Variants in DUSP1 observed in about 807,000 individuals in gnomAD.
DUSP1 encodes dual specificity phosphatase 1.
Under a neutral mutation model 27.4 loss-of-function variants are expected in DUSP1, and 10 were observed. The ratio of observed to expected loss-of-function variants is 0.37; its 90% CI spans 0.23 to 0.62. The LOEUF (loss-of-function observed/expected upper bound fraction) is 0.62, where lower values mean the gene tolerates loss of function less well. Ranked by LOEUF, DUSP1 falls within the 20% of genes least tolerant of loss-of-function variation. DUSP1 has a pLI of 0.68. For synonymous variants in DUSP1, 262 were observed against 223.6 expected (o/e 1.17, Z -1.53); for missense variants, 425 against 508.1 (o/e 0.84, Z 1.57).
chr5:172,770,997 TTGTC>T lies in DUSP1; in HGVS notation c.-49_-46del, dbSNP rs775988883. ...AGCGTGATCGGCCCTGCGGTGCTCT[TTGTC>T]TGTTCTCGGGGCCAAGGGCAGGGCG... On this transcript the variant is annotated 5_prime_UTR_variant, in exon 1 of 4. Coordinates refer to ENST00000239223, the MANE Select transcript of DUSP1 (RefSeq NM_004417.4). The T allele has an allele frequency of 6.6e-6, 9 of 1,353,752 alleles. No homozygotes were observed. The highest frequency in any genetic ancestry group is 2.9e-5 in the East Asian group (1 of 34,366). 83.9% of individuals were successfully genotyped at this position (1,353,752 alleles called of 1,614,324 possible).
rs778841658 is a variant in DUSP1 at position 172,769,792 on chromosome 5, A to T, written c.516T>A (p.Gly172=). 22 of 1,613,334 alleles carry T rather than the reference A, an allele frequency of 1.4e-5. No homozygotes were observed. The highest frequency in any genetic ancestry group is 1.8e-5 in the Non-Finnish European group (21 of 1,179,808). The change falls in exon 3 of 4, where the codon GGT becomes GGA. Residue 172 remains glycine, a splice_region_variant and synonymous_variant. Coordinates refer to ENST00000239223, the MANE Select transcript of DUSP1 (RefSeq NM_004417.4). ...SSCSTPLYDQ[G]GPVEILPFLY... Reference sequence around the variant, plus strand: ...GAAAGGGCAGGATTTCCACCGGGCCACCCTGAAATCCAGAAATATCCAACA... The same window carrying T: ...GAAAGGGCAGGATTTCCACCGGGCCTCCCTGAAATCCAGAAATATCCAACA...
chr5:172,770,784 T>G lies in DUSP1; in HGVS notation c.169A>C (p.Lys57Gln), dbSNP rs1759879513. Residue 57 changes from lysine to glutamine, a missense_variant, in exon 1 of 4, where the codon AAG becomes CAG. By Grantham distance (53) the Lys-to-Gln change is moderately conservative. Transcript: ENST00000239223. ...RFSTIVRRRAKGAMGLEHIVP... is the reference protein window; with the variant it reads ...RFSTIVRRRAQGAMGLEHIVP... Reference sequence around the variant, plus strand: ...ATGTGCTCCAGGCCCATGGCGCCCTTGGCCCGGCGCCGCACGATGGTGCTG... The same window carrying G: ...ATGTGCTCCAGGCCCATGGCGCCCTGGGCCCGGCGCCGCACGATGGTGCTG... 2 of 1,502,634 alleles carry G rather than the reference T, an allele frequency of 1.3e-6. No homozygotes were observed. Among genetic ancestry groups the G allele is most frequent in the Non-Finnish European group, 1.8e-6 (2 of 1,131,416 alleles). 93.1% of individuals were successfully genotyped at this position (1,502,634 alleles called of 1,614,324 possible). A position where few individuals can be genotyped will look rare whatever the true frequency, so the allele number is the denominator to read the frequency against.
At position 172,768,478 on chromosome 5, in the gene DUSP1, C is replaced by T. The variant is rs549982499; in HGVS notation, c.*284G>A. On this transcript the variant is annotated 3_prime_UTR_variant, in exon 4 of 4. Transcript: ENST00000239223. ...GAAGAGATTCTACAAAAAACAGGGG[C>T]GAGCAAAAAGAAACCGGATCACACA... 11 of 310,382 alleles carry T rather than the reference C, an allele frequency of 3.5e-5. No individual in the cohort carries two copies. The highest frequency in any genetic ancestry group is 5.8e-5 in the Non-Finnish European group (10 of 170,970). 19.2% of individuals were successfully genotyped at this position (310,382 alleles called of 1,614,324 possible). A position where few individuals can be genotyped will look rare whatever the true frequency, so the allele number is the denominator to read the frequency against.
At position 172,770,965 on chromosome 5, in the gene DUSP1, C is replaced by A. The variant is rs1759885387; in HGVS notation, c.-13G>T. 6.8e-7 allele frequency: 1 copy of A among 1,464,128 alleles called. No homozygotes were observed. Among genetic ancestry groups the A allele is most frequent in the Non-Finnish European group, 9.0e-7 (1 of 1,111,078 alleles). 90.7% of individuals were successfully genotyped at this position (1,464,128 alleles called of 1,614,324 possible). A position where few individuals can be genotyped will look rare whatever the true frequency, so the allele number is the denominator to read the frequency against. ...CTTCCATGACCATGGCCGGCCTCAG[C>A]GCCCCCAGCGTGATCGGCCCTGCGG... On this transcript the variant is annotated 5_prime_UTR_variant, in exon 1 of 4. Transcript: ENST00000239223.
rs753962065 is a variant in DUSP1 at position 172,769,546 on chromosome 5, G to A, written c.733+29C>T. 25 of 1,611,922 alleles carry A rather than the reference G, an allele frequency of 1.6e-5. No homozygotes were observed. The South Asian group carries it at 2.4e-4, about 16-fold the overall frequency. The stretch of plus-strand genomic sequence containing the variant: ...TGGCTAAAATGAGAAGAGAAAGGCA[G>A]AAAAGCCCCAGGCATCCATTCCATT... On this transcript the variant is annotated intron_variant, in intron 3 of 3. Coordinates refer to ENST00000239223, the MANE Select transcript of DUSP1 (RefSeq NM_004417.4).
In DUSP1 at chr5:172,768,792, C is replaced by G; in HGVS notation, c.1074G>C (p.Gln358His). 1.3e-6 allele frequency: 2 copies of G among 1,531,028 alleles called. No individual in the cohort carries two copies. The highest frequency in any genetic ancestry group is 1.8e-6 in the Non-Finnish European group (2 of 1,137,324). The allele number at this position is 1,531,028 out of a possible 1,614,324, so 94.8% of individuals were successfully genotyped here. A position where few individuals can be genotyped will look rare whatever the true frequency, so the allele number is the denominator to read the frequency against. The change falls in exon 4 of 4, where the codon CAG becomes CAC. Residue 358 changes from glutamine to histidine, a missense_variant. Around this residue, in one of 3 missense-constraint regions of DUSP1, gnomAD observed 84 missense variants for 80.5 expected, o/e 1.04. Coordinates refer to ENST00000239223, the MANE Select transcript of DUSP1 (RefSeq NM_004417.4). The part of the protein sequence containing the change: ...HSTNSALSYL[Q>H]SPITTSPSC The stretch of plus-strand genomic sequence containing the variant: ...AGCTGGGAGAGGTCGTAATGGGGCT[C>G]TGAAGGTAGCTCAGCGCACTGTTCG...
At chr5:172,770,515 G>T in intron 1 of DUSP1, 71 bp downstream of exon 1, 1 of 1,464,820 alleles carries the variant, frequency 6.8e-7, no homozygotes, top group Non-Finnish European at 8.9e-7. Flanking sequence ...TCCCCCGGGA[G>T]CCGAGAGCCA....
At position 172,768,408 on chromosome 5, in the gene DUSP1, T is replaced by A. The variant is rs1445757092; in HGVS notation, c.*354A>T. 1 of 188,488 alleles carries A rather than the reference T, an allele frequency of 5.3e-6. No homozygotes were observed. The highest frequency in any genetic ancestry group is 1.1e-5 in the Non-Finnish European group (1 of 92,042). 11.7% of individuals were successfully genotyped at this position (188,488 alleles called of 1,614,324 possible). ...AAAATAAATAAGGTATATTCTCATA[T>A]GTATATGTGTCGTCGGGAATAATAC... On this transcript the variant is annotated 3_prime_UTR_variant, in exon 4 of 4. Coordinates refer to ENST00000239223, the MANE Select transcript of DUSP1 (RefSeq NM_004417.4).
Position 172,771,159 on chromosome 5 carries a change from C to T in DUSP1, c.-207G>A, listed in dbSNP as rs1280055496. 3.4e-6 allele frequency: 2 copies of T among 594,348 alleles called. No individual in the cohort carries two copies. Among genetic ancestry groups the T allele is most frequent in the Non-Finnish European group, 5.1e-6 (2 of 389,832 alleles). The allele number at this position is 594,348 out of a possible 1,614,324, so 36.8% of individuals were successfully genotyped here. ...TTCGCGGTTCCCCCGACTGCCCCTC[C>T]GACCCGCGTCGCACACACAGCCCAA... On this transcript the variant is annotated 5_prime_UTR_variant, in exon 1 of 4. Transcript: ENST00000239223.
intron 1 of DUSP1, 60 bp from the exon 2 acceptor site, chr5:172,770,366 A>G (rs1321907207): frequency 6.2e-7 from 1 of 1,603,912 alleles, no homozygotes; most frequent in Non-Finnish European, 8.5e-7. Context: ...GCACCTTCAT[A>G]CAACTCCCCC....
In DUSP1 at chr5:172,770,909, GC is replaced by G; in HGVS notation, c.43del (p.Ala15ArgfsTer135). The G allele has an allele frequency of 6.5e-7, 1 of 1,534,722 alleles. No homozygotes were observed. The highest frequency in any genetic ancestry group is 8.7e-7 in the Non-Finnish European group (1 of 1,147,488). ...TTGCGCCGCTCGCTCCCCCAGCAGCGCCCGCAGGCCTCCAGCGTCCAGGGTG... is the reference window on the plus strand; with the variant it reads ...TTGCGCCGCTCGCTCCCCCAGCAGCGCCGCAGGCCTCCAGCGTCCAGGGTG... Reference protein sequence around the residue: ...VGTLDAGGLRALLGERAAQCL... With the variant: ...VGTLDAGGLRXLLGERAAQCL... On this transcript the variant is annotated frameshift_variant, in exon 1 of 4. Coordinates refer to ENST00000239223, the MANE Select transcript of DUSP1 (RefSeq NM_004417.4). LOFTEE classifies it high-confidence loss of function.
Position 172,770,897 on chromosome 5 carries a change from T to C in DUSP1, c.56A>G (p.Glu19Gly). 6.5e-7 allele frequency: 1 copy of C among 1,535,770 alleles called. No homozygotes were observed. The highest frequency in any genetic ancestry group is 2.5e-5 in the East Asian group (1 of 40,810). Reference protein sequence around the residue: ...DAGGLRALLGERAAQCLLLDC... With the variant: ...DAGGLRALLGGRAAQCLLLDC... Reference sequence around the variant, plus strand: ...CAGCAGCAGGCATTGCGCCGCTCGCTCCCCCAGCAGCGCCCGCAGGCCTCC... The same window carrying C: ...CAGCAGCAGGCATTGCGCCGCTCGCCCCCCCAGCAGCGCCCGCAGGCCTCC... The change falls in exon 1 of 4, where the codon GAG becomes GGG. Residue 19 changes from glutamate (E) to glycine (G), a missense_variant. Transcript: ENST00000239223.
chr5:172,769,932 A>G, intron 2 of DUSP1, 138 bp from the exon 3 acceptor site: 1 of 1,220,386 alleles, frequency 8.2e-7, no homozygotes, highest in Non-Finnish European at 1.1e-6. Context: ...GGATAAATAA[A>G]TAGGGAACTA....
chr5:172,769,830 G>C (rs1266010411), intron 2 of DUSP1, 36 bp from the exon 3 acceptor site: 2 of 1,598,708 alleles, frequency 1.3e-6, no homozygotes, highest in African/African-American at 1.3e-5. Context: ...CATCAAGCTT[G>C]CTCAAAGCCA....
rs1158419386 is a variant in DUSP1, at chr5:172,768,978, A to C, written c.888T>G (p.Ser296=). 11 of 1,614,074 alleles carry C rather than the reference A, an allele frequency of 6.8e-6. No homozygotes were observed. Among genetic ancestry groups the C allele is most frequent in the Non-Finnish European group, 9.3e-6 (11 of 1,180,036 alleles). The part of the protein sequence containing the change: ...EFVKQRRSII[S]PNFSFMGQLL... ...GCTGGCCCATGAAGCTGAAGTTGGGAGAGATGATGCTTCGCCTCTGCTTCA... is the reference window on the plus strand; with the variant it reads ...GCTGGCCCATGAAGCTGAAGTTGGGCGAGATGATGCTTCGCCTCTGCTTCA... The change falls in exon 4 of 4, where the codon TCT becomes TCG. Residue 296 remains serine (S), a synonymous_variant. Transcript: ENST00000239223.
chr5:172,770,410 G>A (rs1759869227), intron 1 of DUSP1, 104 bp from the exon 2 acceptor site: 7 of 1,564,906 alleles, frequency 4.5e-6, no homozygotes, highest in Non-Finnish European at 3.4e-6. Flanking sequence ...CATCGGAAAG[G>A]CCCAGGCAAG....
chr5:172,770,368 A>T, intron 1 of DUSP1, 62 bp from the exon 2 acceptor site: 1 of 1,602,144 alleles, frequency 6.2e-7, no homozygotes, highest in Non-Finnish European at 8.5e-7. Flanking sequence ...ACCTTCATAC[A>T]ACTCCCCCAC....
At chr5:172,770,423 T>G in intron 1 of DUSP1, 117 bp from the exon 2 acceptor site, 1 of 1,550,636 alleles carries the variant, frequency 6.4e-7, no homozygotes, top group Non-Finnish European at 8.6e-7. Context: ...CAGGCAAGTC[T>G]TTGTTTCCAG....
chr5:172,770,865 G>T lies in DUSP1; in HGVS notation c.88C>A (p.Arg30Ser). Reference sequence around the variant, plus strand: ...CCGGCGTTGAAAGCGAAGAAGGAGCGGCAGTCCAGCAGCAGGCATTGCGCC... The same window carrying T: ...CCGGCGTTGAAAGCGAAGAAGGAGCTGCAGTCCAGCAGCAGGCATTGCGCC... Reference protein sequence around the residue: ...RAAQCLLLDCRSFFAFNAGHI... With the variant: ...RAAQCLLLDCSSFFAFNAGHI... Residue 30 changes from arginine (R) to serine (S), a missense_variant, in exon 1 of 4, where the codon CGC (arginine) becomes AGC (serine). Arg to Ser is a moderately radical substitution (Grantham distance 110). Transcript: ENST00000239223. The T allele has an allele frequency of 2.0e-6, 3 of 1,530,550 alleles. No homozygotes were observed. The highest frequency in any genetic ancestry group is 2.6e-6 in the Non-Finnish European group (3 of 1,143,938). 94.8% of individuals were successfully genotyped at this position (1,530,550 alleles called of 1,614,324 possible). A position where few individuals can be genotyped will look rare whatever the true frequency, so the allele number is the denominator to read the frequency against.
Sources: gnomAD v4.1 joint callset for allele counts on GRCh38, gnomAD v4.1.1 for gene constraint, gnomAD v4.1.1 regional missense constraint, MANE v1.5 for transcripts, NCBI Gene and HGNC (gene_info 2026-07-23, HGNC 2026-07-21) for gene names.